TKTL1: variants seen among roughly 807,000 people sequenced by gnomAD.
TKTL1 encodes the protein transketolase-like protein 1.
TKTL1 carries 1 observed loss-of-function variant against 39.3 expected under a neutral mutation model. That is an observed-to-expected ratio of 0.03 (90% CI 0.01 to 0.12). The LOEUF (loss-of-function observed/expected upper bound fraction) is 0.12. Ranked by LOEUF, TKTL1 falls within the 10% of genes least tolerant of loss-of-function variation. TKTL1 has a pLI of 1.00. For missense variants in TKTL1, 575 were observed against 509.6 expected (o/e 1.13, Z -1.24); for synonymous variants, 262 against 193.8 (o/e 1.35, Z -2.92).
rs2067338813 is a variant in TKTL1, at chrX:154,309,421, G to C, written c.329G>C (p.Gly110Ala). The C allele has an allele frequency of 2.5e-6, 3 of 1,210,229 alleles. No individual in the cohort carries two copies. Among genetic ancestry groups the C allele is most frequent in the Non-Finnish European group, 3.4e-6 (3 of 894,440 alleles). ...GTTGCATGTGGAATGGCATATACTG[G>C]CAAGTACTTCGACAGGGCCAGGTGA... ...LGVACGMAYT[G>A]KYFDRASYRV... Residue 110 changes from glycine (G) to alanine (A), a missense_variant, in exon 3 of 13, where the codon GGC (glycine) becomes GCC (alanine). Physicochemically the swap from Gly to Ala is moderately conservative, Grantham distance 60 (BLOSUM62 0). Transcript: ENST00000369915.
At chrX:154,328,955 G>A (rs1376541725) in intron 12 of TKTL1, among the ~76,000 whole-genome samples, 1 of 112,382 alleles carries the variant, frequency 8.9e-6, no homozygotes, top group African/African-American at 3.2e-5. Context: ...TGCCTCCCAC[G>A]CAGGCTGTGT....
At chrX:154,318,707 CAAAA>C (rs1208196360) in intron 7 of TKTL1, among the ~76,000 whole-genome samples, 1 of 30,131 alleles carries the variant, frequency 3.3e-5, no homozygotes, top group East Asian at 1.3e-3. Context: ...GCCTCCGTCT[CAAAA>C]AAAAAAAAAA....
At position 154,310,842 on chromosome X, in the gene TKTL1, G is replaced by A. The variant is rs1557168162; in HGVS notation, c.357G>A (p.Arg119=). ...CTCTCTTGTCTTGCTCCAGCTACCG[G>A]GTGTTCTGCCTCATGAGTGATGGCG... The part of the protein sequence containing the change: ...TGKYFDRASY[R]VFCLMSDGES... Residue 119 remains arginine, a synonymous_variant, in exon 4 of 13, where the codon CGG becomes CGA. Transcript: ENST00000369915. 2.5e-6 allele frequency: 3 copies of A among 1,210,138 alleles called. No homozygotes were observed. The highest frequency in any genetic ancestry group is 4.4e-5 in the Admixed American group (2 of 45,926).
intron 12 of TKTL1, among the ~76,000 whole-genome samples, chrX:154,328,391 C>G (rs1447592273): frequency 9.4e-6 from 1 of 105,922 alleles, no homozygotes; most frequent in Non-Finnish European, 2.0e-5. Flanking sequence ...ACTAAAAATA[C>G]AAAAATTAGC....
rs2266893 is a variant in TKTL1 at position 154,310,551 on chromosome X, C to T, written c.351-285C>T. 8.5e-3 allele frequency among the ~76,000 whole-genome samples: 953 copies of T among 112,406 alleles called. 12 individuals are homozygous for T. Among genetic ancestry groups the T allele is most frequent in the East Asian group, 0.056 (201 of 3,587 alleles). On this transcript the variant is annotated intron_variant, in intron 3 of 12. Coordinates refer to ENST00000369915, the MANE Select transcript of TKTL1 (RefSeq NM_012253.4). ...TGCTTTCTTCCCCTTCCCCTCTGGC[C>T]CTGTTTGCTTATTGATAAGGAAATG... is the stretch of plus-strand genomic sequence containing the variant.
chrX:154,327,596 C>T lies in TKTL1; in HGVS notation c.1407C>T (p.Leu469=). ...ERFEIGQAKV[L]RHCVSDKVTV... ...TTTTGCTGGCACTATACCAGGTCCT[C>T]CGCCACTGTGTCAGTGACAAGGTCA... Residue 469 remains leucine, a synonymous_variant, in exon 11 of 13, where the codon CTC becomes CTT. Transcript: ENST00000369915. 1 of 1,207,764 alleles carries T rather than the reference C, an allele frequency of 8.3e-7. No homozygotes were observed.
rs782579925 is a variant in TKTL1, at chrX:154,295,815, C to T, written c.-45C>T. 2.8e-5 allele frequency: 33 copies of T among 1,191,108 alleles called. No homozygotes were observed. The highest frequency in any genetic ancestry group is 9.2e-5 in the South Asian group (5 of 54,565). On this transcript the variant is annotated 5_prime_UTR_variant, in exon 1 of 13. Coordinates refer to ENST00000369915, the MANE Select transcript of TKTL1 (RefSeq NM_012253.4). ...CAGGCGCCATTCGCTCTTCAGACGC[C>T]GGAGACGTAGGAGTGGGTCTTCAGA...
At chrX:154,299,937 TC>T (rs1417148169) in intron 1 of TKTL1, among the ~76,000 whole-genome samples, 1 of 111,834 alleles carries the variant, frequency 8.9e-6, no homozygotes, top group Non-Finnish European at 1.9e-5. Context: ...TGACTTTTTT[TC>T]CTTTGGGTAG....
intron 9 of TKTL1, among the ~76,000 whole-genome samples, chrX:154,323,615 GAGA>G (rs1479678842): frequency 8.9e-6 from 1 of 112,020 alleles, no homozygotes; most frequent in Non-Finnish European, 1.9e-5. Context: ...TTGTAAACAG[GAGA>G]AGGTGTTTAA....
At chrX:154,329,495 C>G in intron 12 of TKTL1, 21 bp from the exon 13 acceptor site, 2 of 1,208,431 alleles carry the variant, frequency 1.7e-6, no homozygotes, top group Non-Finnish European at 2.2e-6. Context: ...ACAAAAGGGC[C>G]TAACATCCTT....
intron 10 of TKTL1, chrX:154,327,055 C>T: frequency 1.1e-5 from 2 of 177,721 alleles, no homozygotes; most frequent in Non-Finnish European, 2.2e-5. Context: ...GAAAGAAGCC[C>T]AGGAACTCTG....
At chrX:154,323,654 A>G (rs2067470331) in intron 9 of TKTL1, among the ~76,000 whole-genome samples, 1 of 111,967 alleles carries the variant, frequency 8.9e-6, no homozygotes, top group Non-Finnish European at 1.9e-5. Context: ...AAGCCGCAGG[A>G]GCAAGCTTCA....
intron 2 of TKTL1, among the ~76,000 whole-genome samples, chrX:154,308,911 A>G (rs1557167709): frequency 9.0e-6 from 1 of 110,994 alleles, no homozygotes; most frequent in Admixed American, 9.6e-5. Context: ...CATATCCTCC[A>G]TAGGATTGAA....
intron 9 of TKTL1, among the ~76,000 whole-genome samples, chrX:154,323,758 C>T (rs781863916): frequency 1.3e-4 from 15 of 112,559 alleles, no homozygotes; most frequent in Non-Finnish European, 2.4e-4. Context: ...AGCTGGAGAG[C>T]GGGTGGTAGG....
At chrX:154,311,343 T>G in intron 5 of TKTL1, 105 bp downstream of exon 5, 1 of 1,049,705 alleles carries the variant, frequency 9.5e-7, no homozygotes, top group South Asian at 2.1e-5. Context: ...ACTCATTTAG[T>G]GAATAGCAGT....
rs2067391048 is a variant in TKTL1, at chrX:154,315,343, T to A, written c.1029+6T>A. On this transcript the variant is annotated splice_donor_region_variant and intron_variant, in intron 7 of 12. Coordinates refer to ENST00000369915, the MANE Select transcript of TKTL1 (RefSeq NM_012253.4). ...TTATGGCTGAACAAAACATGGTGAG[T>A]GTGTAGTGTCTCTCAGGGCTTCTTA... 2 of 1,200,017 alleles carry A rather than the reference T, an allele frequency of 1.7e-6. No individual in the cohort carries two copies. Among genetic ancestry groups the A allele is most frequent in the Non-Finnish European group, 2.3e-6 (2 of 888,412 alleles).
At chrX:154,312,489 A>T (rs1310389883) in intron 5 of TKTL1, 91 bp from the exon 6 acceptor site, 8 of 937,300 alleles carry the variant, frequency 8.5e-6, no homozygotes, top group Middle Eastern at 5.8e-4. Context: ...CTAGGGTGAC[A>T]TCTTTTTCAT....
chrX:154,326,446 G>T (rs1176179673), intron 10 of TKTL1, among the ~76,000 whole-genome samples: 1 of 112,455 alleles, frequency 8.9e-6, no homozygotes, highest in Non-Finnish European at 1.9e-5. Context: ...TGAATAGAAA[G>T]GTTTGCCCAT....
intron 1 of TKTL1, among the ~76,000 whole-genome samples, chrX:154,303,302 T>A (rs1285315548): frequency 9.9e-6 from 1 of 101,429 alleles, no homozygotes; most frequent in Non-Finnish European, 2.0e-5. Flanking sequence ...AGCCTTGACC[T>A]CCTGGGCTTA....
Sources: gnomAD v4.1 joint callset for allele counts (sites outside exome capture counted in the v4.1 genomes callset) on GRCh38, gnomAD v4.1.1 for gene constraint, MANE v1.5 for transcripts, NCBI Gene and HGNC (gene_info 2026-07-23, HGNC 2026-07-21) for gene names.